The following MEAF6 variants were observed in gnomAD, a reference collection of about 807,000 sequenced individuals.
MEAF6 encodes chromatin modification-related protein MEAF6.
In MEAF6, 15 loss-of-function variants were observed where a neutral mutation model predicts 28.9. The ratio of observed to expected loss-of-function variants is 0.52; its 90% CI spans 0.35 to 0.80. The LOEUF (loss-of-function observed/expected upper bound fraction) is 0.80, where lower values mean the gene tolerates loss of function less well. MEAF6 is among the 30% of genes least tolerant of loss of function. MEAF6 has a pLI of 0.01. For missense variants in MEAF6, 178 were observed against 237.5 expected (o/e 0.75, Z 1.65); for synonymous variants, 97 against 88.7 (o/e 1.09, Z -0.53).
rs773438891 is a variant in MEAF6, at chr1:37,514,742, G to A, written c.5C>T (p.Ala2Val). 10 of 1,503,108 alleles carry A rather than the reference G, an allele frequency of 6.7e-6. No homozygotes were observed. In the Admixed American group the frequency reaches 8.1e-5, roughly 12 times the overall value. The allele number at this position is 1,503,108 out of a possible 1,614,324, so 93.1% of individuals were successfully genotyped here. A position where few individuals can be genotyped will look rare whatever the true frequency, so the allele number is the denominator to read the frequency against. MAMHNKAAPPQI... is the reference protein window; with the variant it reads MVMHNKAAPPQI... ...CGGCGGCGCCGCCTTGTTGTGCATC[G>A]CCATGTTGGGCTGAGGCGGGCGGCG... Residue 2 changes from alanine (A) to valine (V), a missense_variant, in exon 1 of 7, where the codon GCG becomes GTG. Physicochemically the swap from Ala to Val is moderately conservative, Grantham distance 64 (BLOSUM62 0). Coordinates refer to ENST00000296214, the MANE Select transcript of MEAF6 (RefSeq NM_001270875.3).
At chr1:37,499,533 G>A (rs978718557) in intron 5 of MEAF6, among the ~76,000 whole-genome samples, 5 of 152,156 alleles carry the variant, frequency 3.3e-5, no homozygotes, top group Non-Finnish European at 5.9e-5. Flanking sequence ...CAGGCACACT[G>A]AATTTTGCTT....
At chr1:37,502,688 G>C (rs967255361) in intron 4 of MEAF6, among the ~76,000 whole-genome samples, 49 of 135,306 alleles carry the variant, frequency 3.6e-4, no homozygotes, top group Non-Finnish European at 6.1e-5. Context: ...TGGAATCTCT[G>C]TTCACAGCAG....
chr1:37,502,987 C>T (rs967108792), intron 4 of MEAF6, among the ~76,000 whole-genome samples: 2 of 151,934 alleles, frequency 1.3e-5, no homozygotes, highest in Non-Finnish European at 2.9e-5. Flanking sequence ...GGCTAGAGTG[C>T]ACTGGTGTGA....
rs1466712422 is a variant in MEAF6, at chr1:37,490,356, C to T, written c.*3743G>A. Among the ~76,000 whole-genome samples, 1 of 152,144 alleles carries T rather than the reference C, an allele frequency of 6.6e-6. No individual in the cohort carries two copies. Among genetic ancestry groups the T allele is most frequent in the African/African-American group, 2.4e-5 (1 of 41,426 alleles). ...ACAAGGTAATGCTCATTTAGACTGACACAGGTATGAAAATTCCAATCCCTT... is the reference window on the plus strand; with the variant it reads ...ACAAGGTAATGCTCATTTAGACTGATACAGGTATGAAAATTCCAATCCCTT... On this transcript the variant is annotated 3_prime_UTR_variant, in exon 7 of 7. Transcript: ENST00000296214.
At chr1:37,499,153 GA>G (rs893333148) in intron 5 of MEAF6, among the ~76,000 whole-genome samples, 12 of 148,390 alleles carry the variant, frequency 8.1e-5, no homozygotes, top group East Asian at 3.9e-4. Flanking sequence ...CTTGTTTCAA[GA>G]AAAAAAAAAA....
At chr1:37,507,454 A>T (rs1228375574) in intron 4 of MEAF6, among the ~76,000 whole-genome samples, 19 of 126,186 alleles carry the variant, frequency 1.5e-4, no homozygotes, top group Admixed American at 9.9e-4. Context: ...AGTAAGATTT[A>T]AAAAAAAAAA....
At chr1:37,510,295 C>T (rs1326553640) in intron 2 of MEAF6, among the ~76,000 whole-genome samples, 1 of 150,754 alleles carries the variant, frequency 6.6e-6, no homozygotes, top group Admixed American at 6.7e-5. Context: ...ATTGGCCTGG[C>T]TGGTCTCGAA....
intron 2 of MEAF6, among the ~76,000 whole-genome samples, chr1:37,512,152 G>T (rs11578962): frequency 0.051 from 7,752 of 152,222 alleles, 288 homozygotes; most frequent in Non-Finnish European, 0.077. Context: ...TAATGGAATA[G>T]TTCAGTAACT....
chr1:37,501,909 A>G lies in MEAF6; in HGVS notation c.428T>C (p.Leu143Pro), dbSNP rs1339103008. 1 of 1,611,432 alleles carries G rather than the reference A, an allele frequency of 6.2e-7. No individual in the cohort carries two copies. The highest frequency in any genetic ancestry group is 1.3e-5 in the African/African-American group (1 of 74,890). The change falls in exon 5 of 7, where the codon CTG (leucine) becomes CCG (proline). Residue 143 changes from leucine (L) to proline (P), a missense_variant. By Grantham distance (98) the Leu-to-Pro change is moderately conservative. Coordinates refer to ENST00000296214, the MANE Select transcript of MEAF6 (RefSeq NM_001270875.3). ...TTTCACTCCCTGCACAGATCCATCC[A>G]GATCCTCAGGGTCCTCCTGGCTGGG... is the stretch of plus-strand genomic sequence containing the variant. The part of the protein sequence containing the change: ...NEPSQEDPED[L>P]DGSVQGVKPQ...
chr1:37,499,729 AACT>A (rs1389874901), intron 5 of MEAF6, among the ~76,000 whole-genome samples: 4 of 152,234 alleles, frequency 2.6e-5, no homozygotes, highest in Admixed American at 2.0e-4. Context: ...AGATTTTTAC[AACT>A]ACTACTATTT....
rs57369458 is a variant in MEAF6, at chr1:37,491,696, CAATAAATAAATAAATAAATA to C, written c.*2383_*2402del. 1.4e-5 allele frequency among the ~76,000 whole-genome samples: 2 copies of C among 142,496 alleles called. No homozygotes were observed. Among genetic ancestry groups the C allele is most frequent in the African/African-American group, 5.1e-5 (2 of 39,012 alleles). The allele number at this position is 142,496 out of a possible 152,430, so 93.5% of individuals were successfully genotyped here. ...CCTGGGTGACAGAGCAAGATCCTGT[CAATAAATAAATAAATAAATA>C]AATAAATAAATAAAATATATAAATA... On this transcript the variant is annotated 3_prime_UTR_variant, in exon 7 of 7. Coordinates refer to ENST00000296214, the MANE Select transcript of MEAF6 (RefSeq NM_001270875.3).
At chr1:37,508,354 T>C (rs182983196) in intron 4 of MEAF6, among the ~76,000 whole-genome samples, 13 of 144,424 alleles carry the variant, frequency 9.0e-5, no homozygotes, top group East Asian at 2.2e-4. Flanking sequence ...TCATGGCTCA[T>C]TGCAGCCTCA....
At chr1:37,507,268 C>T (rs1356821771) in intron 4 of MEAF6, among the ~76,000 whole-genome samples, 2 of 151,134 alleles carry the variant, frequency 1.3e-5, no homozygotes, top group African/African-American at 4.9e-5. Context: ...GGCAGTGAGC[C>T]GAGATCACGC....
At position 37,509,524 on chromosome 1, in the gene MEAF6, A is replaced by G. The variant is rs1302336029; in HGVS notation, c.225T>C (p.Asn75=). The G allele has an allele frequency of 6.2e-7, 1 of 1,613,844 alleles. No homozygotes were observed. Among genetic ancestry groups the G allele is most frequent in the Non-Finnish European group, 8.5e-7 (1 of 1,179,992 alleles). Residue 75 remains asparagine, a synonymous_variant, in exon 3 of 7, where the codon AAT becomes AAC. Coordinates refer to ENST00000296214, the MANE Select transcript of MEAF6 (RefSeq NM_001270875.3). Reference sequence around the variant, plus strand: ...CCTTAAACTTCCGGTTCCTTCGATCATTTTTGCTATTGGAGTTTCTAAAAC... The same window carrying G: ...CCTTAAACTTCCGGTTCCTTCGATCGTTTTTGCTATTGGAGTTTCTAAAAC... ...LTNQKNSNSK[N]DRRNRKFKEA...
Position 37,490,549 on chromosome 1 carries a change from T to C in MEAF6, c.*3550A>G, listed in dbSNP as rs1430010261. Reference sequence around the variant, plus strand: ...CAAGGCTTCAGATGTCAATTTTCTGTTGGAGACAGCGTCTTGCTACGTTAC... The same window carrying C: ...CAAGGCTTCAGATGTCAATTTTCTGCTGGAGACAGCGTCTTGCTACGTTAC... On this transcript the variant is annotated 3_prime_UTR_variant, in exon 7 of 7. Coordinates refer to ENST00000296214, the MANE Select transcript of MEAF6 (RefSeq NM_001270875.3). Among the ~76,000 whole-genome samples the C allele has an allele frequency of 6.6e-6, 1 of 152,192 alleles. No homozygotes were observed. Among genetic ancestry groups the C allele is most frequent in the Non-Finnish European group, 1.5e-5 (1 of 68,036 alleles).
At chr1:37,513,019 G>A (rs979830874) in intron 2 of MEAF6, among the ~76,000 whole-genome samples, 3 of 151,750 alleles carry the variant, frequency 2.0e-5, no homozygotes, top group African/African-American at 4.8e-5. Flanking sequence ...GAGAAACCTC[G>A]TCTCTACTAA....
intron 4 of MEAF6, among the ~76,000 whole-genome samples, chr1:37,508,274 C>CT (rs577291632): frequency 0.023 from 1,922 of 83,934 alleles, 294 homozygotes; most frequent in Non-Finnish European, 0.028. Flanking sequence ...ATGAGCATTT[C>CT]TTTTTTTTTT....
rs1642595017 is a variant in MEAF6 at position 37,509,518 on chromosome 1, T to C, written c.231A>G (p.Arg77=). Residue 77 remains arginine (R), a synonymous_variant, in exon 3 of 7, where the codon CGA becomes CGG. Coordinates refer to ENST00000296214, the MANE Select transcript of MEAF6 (RefSeq NM_001270875.3). ...CAGCTTCCTTAAACTTCCGGTTCCTTCGATCATTTTTGCTATTGGAGTTTC... is the reference window on the plus strand; with the variant it reads ...CAGCTTCCTTAAACTTCCGGTTCCTCCGATCATTTTTGCTATTGGAGTTTC... The part of the protein sequence containing the change: ...NQKNSNSKND[R]RNRKFKEAER... The C allele has an allele frequency of 6.2e-7, 1 of 1,613,952 alleles. No individual in the cohort carries two copies. Among genetic ancestry groups the C allele is most frequent in the Admixed American group, 1.7e-5 (1 of 59,972 alleles).
chr1:37,496,743 G>A (rs1461310563), intron 5 of MEAF6: 4 of 1,593,708 alleles, frequency 2.5e-6, no homozygotes, highest in Non-Finnish European at 1.7e-6. Context: ...CGGGCTGAGG[G>A]GCAGCATTTG....
Sources: gnomAD v4.1 joint callset for allele counts (sites outside exome capture counted in the v4.1 genomes callset) on GRCh38, gnomAD v4.1.1 for gene constraint, MANE v1.5 for transcripts, NCBI Gene and HGNC (gene_info 2026-07-23, HGNC 2026-07-21) for gene names.